Variants in CREB5 observed in about 807,000 individuals in gnomAD.
CREB5 encodes the protein cyclic AMP-responsive element-binding protein 5.
CREB5 carries 19 observed loss-of-function variants against 57.1 expected under a neutral mutation model. The observed-to-expected ratio is 0.33, with a 90% confidence interval of 0.23 to 0.49. The LOEUF is 0.49. CREB5 is among the 20% of genes least tolerant of loss of function. The pLI is 0.99. For synonymous variants in CREB5, 238 were observed against 238.3 expected (o/e 1.00, Z 0.01); for missense variants, 579 against 671.6 (o/e 0.86, Z 1.52).
rs767618832 is a variant in CREB5, at chr7:28,718,834, C to G, written c.546C>G (p.Thr182=). ...RQPMPASMPG[T]LPNPTMPGSS... is the part of the protein sequence containing the mutation. ...CCATGCCAGCCTCCATGCCTGGGACCCTGCCCAACCCTACAATGCCAGGAT... is the reference window on the plus strand; with the variant it reads ...CCATGCCAGCCTCCATGCCTGGGACGCTGCCCAACCCTACAATGCCAGGAT... The change falls in exon 6 of 11, where the codon ACC becomes ACG. Residue 182 remains threonine, a synonymous_variant. Coordinates refer to ENST00000357727, the MANE Select transcript of CREB5 (RefSeq NM_182898.4). 14 of 1,614,062 alleles carry G rather than the reference C, an allele frequency of 8.7e-6. No homozygotes were observed. Among genetic ancestry groups the G allele is most frequent in the Non-Finnish European group, 1.2e-5 (14 of 1,179,968 alleles).
chr7:28,467,388 C>T (rs939010121), intron 1 of CREB5, among the ~76,000 whole-genome samples: 9 of 152,262 alleles, frequency 5.9e-5, no homozygotes, highest in Admixed American at 2.6e-4. Context: ...CCCATTATTC[C>T]GTCCCTGCTT....
intron 4 of CREB5, among the ~76,000 whole-genome samples, chr7:28,515,689 A>G (rs916106341): frequency 2.0e-5 from 3 of 152,098 alleles, no homozygotes; most frequent in Non-Finnish European, 2.9e-5. Context: ...TTCTTTAGAC[A>G]CAGTCCTCAG....
At chr7:28,685,800 C>T (rs192076634) in intron 5 of CREB5, among the ~76,000 whole-genome samples, 5 of 152,022 alleles carry the variant, frequency 3.3e-5, no homozygotes, top group Non-Finnish European at 7.4e-5. Context: ...GGCACTGTTT[C>T]CCCCTTTGTT....
intron 1 of CREB5, among the ~76,000 whole-genome samples, chr7:28,348,875 G>A (rs527625634): frequency 6.6e-6 from 1 of 152,330 alleles, no homozygotes; most frequent in South Asian, 2.1e-4. Context: ...TCACCAGGCA[G>A]CTGCATAAAT....
intron 1 of CREB5, among the ~76,000 whole-genome samples, chr7:28,362,635 T>A (rs1021652086): frequency 1.3e-5 from 2 of 152,208 alleles, no homozygotes; most frequent in African/African-American, 4.8e-5. Context: ...ACACTAGCAG[T>A]TTTCCAAGTT....
chr7:28,751,964 T>G (rs1471662419), intron 7 of CREB5, among the ~76,000 whole-genome samples: 1 of 152,178 alleles, frequency 6.6e-6, no homozygotes, highest in Non-Finnish European at 1.5e-5. Flanking sequence ...CCCCAGTTTG[T>G]GTTTGGGTGA....
chr7:28,390,654 A>C (rs1020817780), intron 1 of CREB5, among the ~76,000 whole-genome samples: 2 of 152,120 alleles, frequency 1.3e-5, no homozygotes, highest in Admixed American at 1.3e-4. Context: ...CTTTTTTACC[A>C]TCTCTGTATA....
chr7:28,560,917 T>TGTGTGTGTGC (rs1795177729), intron 4 of CREB5, among the ~76,000 whole-genome samples: 1 of 80,822 alleles, frequency 1.2e-5, no homozygotes, highest in Non-Finnish European at 2.3e-5. Flanking sequence ...TGCGTGTGCG[T>TGTGTGTGTGC]GTGTGCGCGT....
At chr7:28,464,496 CGTGT>C (rs71555745) in intron 1 of CREB5, among the ~76,000 whole-genome samples, 12,695 of 139,504 alleles carry the variant, frequency 0.091, 508 homozygotes, top group Non-Finnish European at 0.098. Flanking sequence ...TGGAAAGTTG[CGTGT>C]GTGTGTGTGT....
At chr7:28,449,458 G>A (rs73297172) in intron 1 of CREB5, among the ~76,000 whole-genome samples, 6,510 of 152,066 alleles carry the variant, frequency 0.043, 451 homozygotes, top group African/African-American at 0.15. Context: ...ATCGTTTTGC[G>A]TAAGATGGAG....
chr7:28,357,230 A>T (rs534797381), intron 1 of CREB5, among the ~76,000 whole-genome samples: 2 of 152,224 alleles, frequency 1.3e-5, no homozygotes, highest in African/African-American at 4.8e-5. Context: ...TCTACAGCAC[A>T]TCTTTCTTCA....
intron 4 of CREB5, among the ~76,000 whole-genome samples, chr7:28,544,230 TTC>T (rs1794323987): frequency 6.6e-6 from 1 of 152,310 alleles, no homozygotes; most frequent in East Asian, 1.9e-4. Flanking sequence ...GCTTGTTATT[TTC>T]TCTCTCACAG....
At chr7:28,410,545 G>A (rs1787738704), upstream of CREB5, 1 of 456,694 alleles carries the variant, frequency 2.2e-6, no homozygotes, top group Non-Finnish European at 4.4e-6. Context: ...GCGTCTGGTA[G>A]ATAAAGCCCT....
intron 5 of CREB5, among the ~76,000 whole-genome samples, chr7:28,659,221 A>T (rs1371937586): frequency 6.6e-6 from 1 of 151,896 alleles, no homozygotes; most frequent in Non-Finnish European, 1.5e-5. Flanking sequence ...ATTATTTCGT[A>T]TCTGGAAAGT....
intron 1 of CREB5, among the ~76,000 whole-genome samples, chr7:28,352,107 T>A (rs576298514): frequency 8.5e-5 from 13 of 152,348 alleles, no homozygotes; most frequent in Non-Finnish European, 1.5e-4. Flanking sequence ...CATCAAAAAT[T>A]ATTTGTTATA....
At chr7:28,473,843 C>G (rs563767379) in intron 1 of CREB5, among the ~76,000 whole-genome samples, 2 of 152,338 alleles carry the variant, frequency 1.3e-5, no homozygotes, top group South Asian at 4.1e-4. Context: ...CCTTTGGGTC[C>G]ATGACCCTGG....
intron 5 of CREB5, among the ~76,000 whole-genome samples, chr7:28,611,890 A>C (rs1797402928): frequency 6.6e-6 from 1 of 152,044 alleles, no homozygotes; most frequent in Non-Finnish European, 1.5e-5. Context: ...TACTATATGT[A>C]AATTATAACT....
intron 4 of CREB5, among the ~76,000 whole-genome samples, chr7:28,567,958 T>C (rs1026054263): frequency 1.3e-5 from 2 of 152,124 alleles, no homozygotes; most frequent in Non-Finnish European, 2.9e-5. Flanking sequence ...ACCTCACAAA[T>C]GCTGTGTGTA....
intron 4 of CREB5, among the ~76,000 whole-genome samples, chr7:28,512,659 G>A (rs1369804656): frequency 6.6e-6 from 1 of 151,970 alleles, no homozygotes; most frequent in Non-Finnish European, 1.5e-5. Flanking sequence ...GTGTGTGTGT[G>A]TGTGTGTGTA....
Sources: allele counts gnomAD v4.1 joint callset (sites outside exome capture counted in the v4.1 genomes callset), GRCh38; gene constraint gnomAD v4.1.1; transcripts MANE v1.5; gene names NCBI Gene and HGNC (gene_info 2026-07-23, HGNC 2026-07-21).